Variants in SUGCT observed in about 807,000 individuals in gnomAD.
SUGCT encodes the protein succinyl-CoA:glutarate CoA-transferase.
A neutral mutation model predicts 55.0 loss-of-function variants in SUGCT; 41 were observed. The ratio of observed to expected loss-of-function variants is 0.74; its 90% CI spans 0.58 to 0.97. The LOEUF (loss-of-function observed/expected upper bound fraction) is 0.97, where lower values mean the gene tolerates loss of function less well. SUGCT is among the 50% of genes least tolerant of loss of function. SUGCT has a pLI of 0.00. For synonymous variants in SUGCT, 187 were observed against 200.4 expected (o/e 0.93, Z 0.56); for missense variants, 568 against 547.8 (o/e 1.04, Z -0.37).
At position 40,228,510 on chromosome 7, in the gene SUGCT, G is replaced by T. The variant is rs11525045; in HGVS notation, c.485-9125G>T. ...TTCAGGTTTGTGTGTGTGTGTGTGT[G>T]TTTTTGTTGTTTTGTTTTTTTGGCC... On this transcript the variant is annotated intron_variant, in intron 6 of 13. Coordinates refer to ENST00000335693, the MANE Select transcript of SUGCT (RefSeq NM_001193313.2). Among the ~76,000 whole-genome samples, 18 of 151,808 alleles carry T rather than the reference G, an allele frequency of 1.2e-4. No homozygotes were observed. In the South Asian group the frequency reaches 2.1e-3, roughly 18 times the overall value.
intron 12 of SUGCT, among the ~76,000 whole-genome samples, chr7:40,607,371 G>C (rs1798579658): frequency 6.6e-6 from 1 of 152,126 alleles, no homozygotes. Context: ...CCCAAGTGCT[G>C]GGATTACAGG....
intron 9 of SUGCT, among the ~76,000 whole-genome samples, chr7:40,355,374 A>G (rs987272820): frequency 1.3e-5 from 2 of 152,182 alleles, no homozygotes; most frequent in African/African-American, 4.8e-5. Flanking sequence ...ACCTATGACA[A>G]TTTCTTACTA....
At chr7:40,399,532 C>T (rs1279938504) in intron 9 of SUGCT, among the ~76,000 whole-genome samples, 1 of 152,086 alleles carries the variant, frequency 6.6e-6, no homozygotes, top group Admixed American at 6.5e-5. Flanking sequence ...GGGTGGTCAC[C>T]AGGAGATTGA....
intron 12 of SUGCT, among the ~76,000 whole-genome samples, chr7:40,620,116 T>C (rs1473666067): frequency 6.6e-6 from 1 of 152,216 alleles, no homozygotes; most frequent in African/African-American, 2.4e-5. Flanking sequence ...AGCTGGTCTA[T>C]ATTCAAGCCA....
the SUGCT span, among the ~76,000 whole-genome samples, chr7:40,883,694 G>T: frequency 1.3e-5 from 2 of 152,160 alleles, no homozygotes; most frequent in African/African-American, 4.8e-5. Context: ...TTAAGGGTGG[G>T]ACTTTCCAGG....
intron 9 of SUGCT, among the ~76,000 whole-genome samples, chr7:40,347,544 A>G (rs1394705214): frequency 6.6e-6 from 1 of 152,206 alleles, no homozygotes; most frequent in Non-Finnish European, 1.5e-5. Flanking sequence ...TGAATTGAAG[A>G]AAAATTGTTA....
intron 13 of SUGCT, among the ~76,000 whole-genome samples, chr7:40,795,264 G>C (rs940335845): frequency 2.0e-5 from 3 of 152,078 alleles, no homozygotes; most frequent in Non-Finnish European, 2.9e-5. Flanking sequence ...AGTTAGCAGA[G>C]AGCCAAGACA....
At chr7:40,361,121 TGGAGA>T (rs1798129740) in intron 9 of SUGCT, among the ~76,000 whole-genome samples, 1 of 152,112 alleles carries the variant, frequency 6.6e-6, no homozygotes, top group Non-Finnish European at 1.5e-5. Context: ...AGGTTGTGTC[TGGAGA>T]AATGAGGGAG....
intron 9 of SUGCT, among the ~76,000 whole-genome samples, chr7:40,386,034 G>C (rs1185868069): frequency 6.6e-6 from 1 of 152,154 alleles, no homozygotes; most frequent in Admixed American, 6.5e-5. Context: ...TACACACAAA[G>C]AAGTAAGAGT....
At chr7:40,166,413 C>G (rs577426141) in intron 1 of SUGCT, among the ~76,000 whole-genome samples, 10 of 152,256 alleles carry the variant, frequency 6.6e-5, no homozygotes, top group Non-Finnish European at 1.5e-4. Flanking sequence ...AGTGTCTTAT[C>G]AGATAATAAA....
chr7:40,422,820 C>CA (rs748926147), intron 9 of SUGCT, among the ~76,000 whole-genome samples: 1,550 of 121,462 alleles, frequency 0.013, 20 homozygotes, highest in South Asian at 0.089. Context: ...ACCAGTTGTC[C>CA]AAAAAAAAAA....
chr7:40,516,201 GT>G (rs1418033230), intron 12 of SUGCT, among the ~76,000 whole-genome samples: 1 of 151,972 alleles, frequency 6.6e-6, no homozygotes, highest in African/African-American at 2.4e-5. Flanking sequence ...TAAAAATTTG[GT>G]TATTTGTCTA....
chr7:40,942,524 A>G, the SUGCT span, among the ~76,000 whole-genome samples: 9 of 152,234 alleles, frequency 5.9e-5, no homozygotes, highest in East Asian at 1.7e-3. Flanking sequence ...AGATAATTTG[A>G]TGACTATATA....
At chr7:40,451,443 A>G (rs1789185035) in intron 10 of SUGCT, among the ~76,000 whole-genome samples, 1 of 152,228 alleles carries the variant, frequency 6.6e-6, no homozygotes, top group Admixed American at 6.5e-5. Flanking sequence ...AAGTTTTAGT[A>G]CTGAAATATG....
At chr7:40,509,586 T>G (rs900002039) in intron 12 of SUGCT, among the ~76,000 whole-genome samples, 6 of 152,286 alleles carry the variant, frequency 3.9e-5, no homozygotes, top group Admixed American at 3.9e-4. Context: ...AATTGAGGGT[T>G]TTTTTTACAT....
the SUGCT span, among the ~76,000 whole-genome samples, chr7:41,014,738 A>C: frequency 0.016 from 2,388 of 152,340 alleles, 67 homozygotes; most frequent in African/African-American, 0.054. Flanking sequence ...AAGCAACATA[A>C]GATCCCTAAG....
chr7:40,475,901 T>C (rs545497600), intron 11 of SUGCT, among the ~76,000 whole-genome samples: 51 of 152,132 alleles, frequency 3.4e-4, no homozygotes, highest in Non-Finnish European at 6.5e-4. Context: ...TATCAATCCA[T>C]CAATTGATTG....
the SUGCT span, among the ~76,000 whole-genome samples, chr7:40,874,823 G>C: frequency 6.6e-6 from 1 of 152,154 alleles, no homozygotes; most frequent in African/African-American, 2.4e-5. Flanking sequence ...TCCTTTTCTG[G>C]AAGAATATAT....
intron 11 of SUGCT, among the ~76,000 whole-genome samples, chr7:40,467,966 C>CTTT (rs79872831): frequency 8.0e-6 from 1 of 124,376 alleles, no homozygotes; most frequent in Non-Finnish European, 1.8e-5. Flanking sequence ...TACTCATTTT[C>CTTT]TTTTTTTTTT....
Sources: allele counts gnomAD v4.1 joint callset (sites outside exome capture counted in the v4.1 genomes callset), GRCh38; gene constraint gnomAD v4.1.1; transcripts MANE v1.5; gene names NCBI Gene and HGNC (gene_info 2026-07-23, HGNC 2026-07-21).